The following HNRNPC variants were observed in gnomAD, a reference collection of about 807,000 sequenced individuals.
The protein encoded by HNRNPC is heterogeneous nuclear ribonucleoproteins C1/C2.
HNRNPC carries 3 observed loss-of-function variants against 33.2 expected under a neutral mutation model. That is an observed-to-expected ratio of 0.09 (90% CI 0.04 to 0.23). HNRNPC has a LOEUF of 0.23. Among genes scored for constraint, HNRNPC ranks in the 10% least tolerant of loss-of-function variants. The pLI, the probability that HNRNPC is intolerant of heterozygous loss-of-function variation, is 1.00. For synonymous variants in HNRNPC, 121 were observed against 126.7 expected, an observed-to-expected ratio of 0.96 and a Z score of 0.30; for missense variants, 143 against 366.7, an observed-to-expected ratio of 0.39 and a Z score of 4.98.
At chr14:21,238,144 T>C (rs904939164) in intron 2 of HNRNPC, among the ~76,000 whole-genome samples, 2 of 152,220 alleles carry the variant, frequency 1.3e-5, no homozygotes, top group African/African-American at 2.4e-5. Context: ...AATGAATAGG[T>C]CTACTTTTGC....
intron 5 of HNRNPC, among the ~76,000 whole-genome samples, chr14:21,224,741 T>C (rs567742774): frequency 6.6e-6 from 1 of 152,272 alleles, no homozygotes; most frequent in Admixed American, 6.5e-5. Flanking sequence ...CTTTACAATT[T>C]ACTTTACAGC....
At chr14:21,230,000 A>G (rs1239674314) in intron 5 of HNRNPC, among the ~76,000 whole-genome samples, 1 of 152,154 alleles carries the variant, frequency 6.6e-6, no homozygotes, top group Non-Finnish European at 1.5e-5. Context: ...CCTGTTAAGC[A>G]TTTGCTATCA....
intron 2 of HNRNPC, among the ~76,000 whole-genome samples, chr14:21,242,344 C>T (rs992105207): frequency 1.3e-5 from 2 of 152,014 alleles, no homozygotes; most frequent in Non-Finnish European, 2.9e-5. Context: ...ATTAGCTGGG[C>T]GTGATGTCAA....
At chr14:21,252,638 G>GTTAAT (rs1359515034) in intron 2 of HNRNPC, among the ~76,000 whole-genome samples, 1 of 152,126 alleles carries the variant, frequency 6.6e-6, no homozygotes, top group Non-Finnish European at 1.5e-5. Context: ...TATTAAAATA[G>GTTAAT]TTAATTTATT....
At chr14:21,229,682 T>C (rs1893891055) in intron 5 of HNRNPC, among the ~76,000 whole-genome samples, 1 of 152,242 alleles carries the variant, frequency 6.6e-6, no homozygotes, top group Non-Finnish European at 1.5e-5. Flanking sequence ...TCAGTTCAAA[T>C]GTTAAGCATT....
chr14:21,223,635 G>C (rs898300956), intron 5 of HNRNPC, among the ~76,000 whole-genome samples: 4 of 152,004 alleles, frequency 2.6e-5, no homozygotes, highest in Non-Finnish European at 5.9e-5. Context: ...TGTAGTCCCA[G>C]CTACTCAGGA....
intron 4 of HNRNPC, 87 bp downstream of exon 4, chr14:21,230,910 A>G: frequency 7.0e-7 from 1 of 1,431,008 alleles, no homozygotes; most frequent in East Asian, 2.3e-5. Flanking sequence ...GAAAGAGAAG[A>G]TGCCCACTGA....
intron 2 of HNRNPC, among the ~76,000 whole-genome samples, chr14:21,244,700 G>A (rs1031702500): frequency 2.6e-5 from 4 of 152,176 alleles, no homozygotes; most frequent in Admixed American, 2.6e-4. Context: ...TGTTAATGTC[G>A]TAAGAGTGTA....
chr14:21,242,399 G>A (rs72675020), intron 2 of HNRNPC, among the ~76,000 whole-genome samples: 23,229 of 152,168 alleles, frequency 0.15, 2,258 homozygotes, highest in South Asian at 0.23. Context: ...TAGAAGAATC[G>A]CTTGAACCCA....
At chr14:21,228,776 C>A (rs1488939985) in intron 5 of HNRNPC, among the ~76,000 whole-genome samples, 1 of 151,804 alleles carries the variant, frequency 6.6e-6, no homozygotes, top group Non-Finnish European at 1.5e-5. Context: ...AAAATGTTCA[C>A]ACATAACTGT....
intron 2 of HNRNPC, among the ~76,000 whole-genome samples, chr14:21,260,063 A>G (rs1242926150): frequency 1.6e-5 from 2 of 127,636 alleles, no homozygotes; most frequent in Admixed American, 8.5e-5. Context: ...AGCCGGGCGT[A>G]GTGGCGGGCG....
intron 1 of HNRNPC, among the ~76,000 whole-genome samples, chr14:21,268,936 G>A (rs775260137): frequency 6.6e-6 from 1 of 151,940 alleles, no homozygotes; most frequent in African/African-American, 2.4e-5. Context: ...GAAGAACGGA[G>A]GTAATAGAAG....
chr14:21,247,535 T>C (rs553573541), intron 2 of HNRNPC, among the ~76,000 whole-genome samples: 4 of 152,298 alleles, frequency 2.6e-5, no homozygotes, highest in African/African-American at 9.6e-5. Flanking sequence ...CTATTTTTTG[T>C]ACCCCGAAAA....
chr14:21,220,744 A>C (rs1315234102), intron 5 of HNRNPC, among the ~76,000 whole-genome samples: 1 of 152,168 alleles, frequency 6.6e-6, no homozygotes, highest in Non-Finnish European at 1.5e-5. Context: ...AATAAAGATC[A>C]AAGCAGGGGA....
chr14:21,260,149 G>A (rs1325313773), intron 2 of HNRNPC, among the ~76,000 whole-genome samples: 3 of 143,010 alleles, frequency 2.1e-5, no homozygotes, highest in Non-Finnish European at 4.5e-5. Flanking sequence ...GCAGTGAGCC[G>A]AGATCGTGCC....
chr14:21,267,531 T>C (rs1046329782), intron 1 of HNRNPC, among the ~76,000 whole-genome samples: 1 of 150,434 alleles, frequency 6.6e-6, no homozygotes, highest in Non-Finnish European at 1.5e-5. Context: ...TTCCCGAGAG[T>C]GGCACTAGCA....
At position 21,209,520 on chromosome 14, in the gene HNRNPC, G is replaced by A. The variant is rs1304165401; in HGVS notation, c.*1703C>T. The A allele has an allele frequency of 6.6e-6, 1 of 152,096 alleles. No homozygotes were observed. Among genetic ancestry groups the A allele is most frequent in the Non-Finnish European group, 1.5e-5 (1 of 68,018 alleles). 9.4% of individuals were successfully genotyped at this position (152,096 alleles called of 1,614,324 possible). ...ACATCAGATTAGAAAACATCAAGTG[G>A]GTAGTATTTTTGACTGAATTAACAT... is the stretch of plus-strand genomic sequence containing the variant. On this transcript the variant is annotated 3_prime_UTR_variant, in exon 9 of 9. Coordinates refer to ENST00000553300, the MANE Select transcript of HNRNPC (RefSeq NM_004500.4).
At chr14:21,233,833 A>C in intron 3 of HNRNPC, 120 bp downstream of exon 3, 1 of 1,238,704 alleles carries the variant, frequency 8.1e-7, no homozygotes, top group Non-Finnish European at 1.1e-6. Flanking sequence ...TTATTAGGCT[A>C]AACAGTCGCA....
chr14:21,246,522 G>A (rs1895997080), intron 2 of HNRNPC, among the ~76,000 whole-genome samples: 1 of 150,718 alleles, frequency 6.6e-6, no homozygotes, highest in Non-Finnish European at 1.5e-5. Context: ...GCTGGAGATT[G>A]CGCCACTGCA....
Sources: gnomAD v4.1 joint callset for allele counts (sites outside exome capture counted in the v4.1 genomes callset) on GRCh38, gnomAD v4.1.1 for gene constraint, MANE v1.5 for transcripts, NCBI Gene and HGNC (gene_info 2026-07-23, HGNC 2026-07-21) for gene names.